The following KIF6 variants were observed in gnomAD, a reference collection of about 807,000 sequenced individuals.
KIF6 encodes the protein kinesin-like protein KIF6.
A neutral mutation model predicts 112.7 loss-of-function variants in KIF6; 106 were observed. That is an observed-to-expected ratio of 0.94 (90% CI 0.80 to 1.11). KIF6 has a LOEUF of 1.11. Ranked by LOEUF, KIF6 falls within the 50% of genes least tolerant of loss-of-function variation. The probability of loss-of-function intolerance (pLI) is 0.00; values close to 1 mark genes in which losing one functional copy is unlikely to be tolerated. For missense variants in KIF6, 929 were observed against 964.0 expected (o/e 0.96, Z 0.48); for synonymous variants, 339 against 339.9 (o/e 1.00, Z 0.03).
chr6:39,683,953 T>C (rs1205395521), intron 3 of KIF6, among the ~76,000 whole-genome samples: 4 of 152,224 alleles, frequency 2.6e-5, no homozygotes, highest in Non-Finnish European at 5.9e-5. Context: ...AGACTTGACC[T>C]AGTCAAAGGA....
intron 15 of KIF6, among the ~76,000 whole-genome samples, chr6:39,398,195 A>G (rs767385953): frequency 1.4e-4 from 22 of 152,246 alleles, no homozygotes; most frequent in Non-Finnish European, 2.6e-4. Context: ...TGCTTTTCAC[A>G]TAAAGGCGTA....
chr6:39,595,074 T>C (rs968720426), intron 7 of KIF6, among the ~76,000 whole-genome samples: 1 of 152,174 alleles, frequency 6.6e-6, no homozygotes, highest in African/African-American at 2.4e-5. Context: ...GGGTAGATTG[T>C]AATCAGCCTG....
intron 15 of KIF6, among the ~76,000 whole-genome samples, chr6:39,389,792 A>C (rs1767718918): frequency 6.6e-6 from 1 of 152,188 alleles, no homozygotes; most frequent in Non-Finnish European, 1.5e-5. Context: ...GCACTTTGGG[A>C]GGCCAAGGTG....
At chr6:39,706,032 T>C (rs545218352) in intron 3 of KIF6, among the ~76,000 whole-genome samples, 1 of 152,312 alleles carries the variant, frequency 6.6e-6, no homozygotes, top group East Asian at 1.9e-4. Flanking sequence ...TTTATTATCT[T>C]AGGAAACCCC....
intron 3 of KIF6, among the ~76,000 whole-genome samples, chr6:39,701,715 A>G (rs959281888): frequency 6.6e-6 from 1 of 152,240 alleles, no homozygotes; most frequent in Non-Finnish European, 1.5e-5. Context: ...TCTGAGTGAA[A>G]TATGGAGCCA....
At chr6:39,715,607 G>A (rs1394800728) in intron 2 of KIF6, among the ~76,000 whole-genome samples, 6 of 150,826 alleles carry the variant, frequency 4.0e-5, no homozygotes, top group African/African-American at 1.2e-4. Context: ...GGGTTCAAGC[G>A]ATTCTCCTGC....
intron 3 of KIF6, among the ~76,000 whole-genome samples, chr6:39,642,789 G>A (rs1784979007): frequency 6.6e-6 from 1 of 152,104 alleles, no homozygotes; most frequent in Non-Finnish European, 1.5e-5. Context: ...CACATGTGCA[G>A]GACTATATGT....
intron 13 of KIF6, among the ~76,000 whole-genome samples, chr6:39,537,800 T>C (rs1778534714): frequency 6.6e-6 from 1 of 152,210 alleles, no homozygotes; most frequent in East Asian, 1.9e-4. Context: ...GGCATCACGC[T>C]ACCTGACTTC....
chr6:39,648,313 A>T (rs900412407), intron 3 of KIF6, among the ~76,000 whole-genome samples: 5 of 151,574 alleles, frequency 3.3e-5, no homozygotes, highest in Non-Finnish European at 5.9e-5. Flanking sequence ...AAGTGTTGGG[A>T]TTATAGGCAT....
intron 8 of KIF6, among the ~76,000 whole-genome samples, chr6:39,585,803 C>T (rs149127122): frequency 6.6e-6 from 1 of 152,166 alleles, no homozygotes; most frequent in Non-Finnish European, 1.5e-5. Context: ...GACTCTAAAG[C>T]AACCCAGAAG....
intron 22 of KIF6, among the ~76,000 whole-genome samples, chr6:39,340,633 T>C (rs961430865): frequency 2.0e-5 from 3 of 152,088 alleles, no homozygotes; most frequent in Non-Finnish European, 4.4e-5. Context: ...ACAATAAAAA[T>C]GAAAACATTT....
At chr6:39,554,287 G>A (rs1366184263) in intron 10 of KIF6, 1 of 153,624 alleles carries the variant, frequency 6.5e-6, no homozygotes, top group Non-Finnish European at 1.5e-5. Context: ...CACAGACCCT[G>A]TCTGGTAGCA....
At chr6:39,402,962 C>T (rs868482570) in intron 15 of KIF6, among the ~76,000 whole-genome samples, 4 of 152,176 alleles carry the variant, frequency 2.6e-5, no homozygotes, top group East Asian at 1.9e-4. Context: ...GCTCCTACTG[C>T]GTTCAGCCTG....
At chr6:39,602,611 A>T (rs1033582387) in intron 6 of KIF6, among the ~76,000 whole-genome samples, 1 of 152,190 alleles carries the variant, frequency 6.6e-6, no homozygotes, top group Non-Finnish European at 1.5e-5. Flanking sequence ...AAAATCTTCA[A>T]ATAATTCTGT....
intron 16 of KIF6, among the ~76,000 whole-genome samples, chr6:39,363,444 C>A (rs569450834): frequency 2.6e-5 from 4 of 151,942 alleles, no homozygotes; most frequent in Admixed American, 1.3e-4. Context: ...CGTGTGTCTG[C>A]GTCCCTGCTG....
intron 3 of KIF6, among the ~76,000 whole-genome samples, chr6:39,673,590 A>G (rs302577): frequency 0.057 from 8,628 of 152,270 alleles, 806 homozygotes; most frequent in African/African-American, 0.19. Context: ...TTTGAAAAAC[A>G]AAAGACTAAG....
intron 15 of KIF6, among the ~76,000 whole-genome samples, chr6:39,401,175 T>A (rs1182765486): frequency 2.0e-5 from 3 of 152,254 alleles, no homozygotes; most frequent in Non-Finnish European, 4.4e-5. Flanking sequence ...ATGAGGACAG[T>A]GACTTCTAGG....
chr6:39,539,952 A>G (rs760091803), intron 13 of KIF6, 51 bp downstream of exon 13: 32 of 1,378,584 alleles, frequency 2.3e-5, no homozygotes, highest in Non-Finnish European at 2.7e-5. Context: ...AGGGTGCTAC[A>G]TCGAAATCCA....
At chr6:39,537,482 T>C (rs1288947187) in intron 13 of KIF6, among the ~76,000 whole-genome samples, 3 of 151,658 alleles carry the variant, frequency 2.0e-5, no homozygotes, top group Non-Finnish European at 4.4e-5. Flanking sequence ...TCAAAGAGAA[T>C]AAAATACCTA....
Sources: gnomAD v4.1 joint callset for allele counts (sites outside exome capture counted in the v4.1 genomes callset) on GRCh38, gnomAD v4.1.1 for gene constraint, MANE v1.5 for transcripts, NCBI Gene and HGNC (gene_info 2026-07-23, HGNC 2026-07-21) for gene names.